CFAP92: variants seen among roughly 807,000 people sequenced by gnomAD.
The protein encoded by CFAP92 is cilia and flagella associated protein 92 (putative).
In CFAP92, 86 loss-of-function variants were observed where a neutral mutation model predicts 106.3. The observed-to-expected ratio is 0.81, with a 90% confidence interval of 0.68 to 0.97. The LOEUF is 0.97. Among genes scored for constraint, CFAP92 ranks in the 50% least tolerant of loss-of-function variants. CFAP92 has a pLI of 0.00. For synonymous variants in CFAP92, 477 were observed against 506.4 expected, an observed-to-expected ratio of 0.94 and a Z score of 0.78; for missense variants, 1,204 against 1,283.8, an observed-to-expected ratio of 0.94 and a Z score of 0.95.
rs200730768 is a variant in CFAP92 at position 128,945,157 on chromosome 3, G to A, written c.2172C>T (p.His724=). 6.5e-4 allele frequency: 1,001 copies of A among 1,536,170 alleles called. 3 individuals are homozygous for A. Among genetic ancestry groups the A allele is most frequent in the South Asian group, 8.2e-4 (69 of 84,066 alleles). Residue 724 remains histidine (H), a synonymous_variant, in exon 10 of 16, where the codon CAC becomes CAT. Transcript: ENST00000645291. ...QQHLDVLTGF[H]LLDGKTHLFI... is the part of the protein sequence containing the mutation. ...AAAGGTGTGTCTTCCCGTCCAGCAG[G>A]TGGAAGCCAGTGAGCACATCCAGGT...
intron 12 of CFAP92, among the ~76,000 whole-genome samples, chr3:128,922,657 T>C (rs1348622781): frequency 2.0e-5 from 3 of 152,220 alleles, no homozygotes; most frequent in Non-Finnish European, 2.9e-5. Flanking sequence ...AAGACTTCCA[T>C]GGGTATCACT....
At chr3:129,024,273 G>A in the CFAP92 span, among the ~76,000 whole-genome samples, 1 of 152,140 alleles carries the variant, frequency 6.6e-6, no homozygotes, top group Admixed American at 6.5e-5. Context: ...GCTCACACCT[G>A]TAATCCCAGC....
At position 128,945,754 on chromosome 3, in the gene CFAP92, G is replaced by A. The variant is rs752356159; in HGVS notation, c.1575C>T (p.Pro525=). The change falls in exon 10 of 16, where the codon CCC becomes CCT. Residue 525 remains proline, a synonymous_variant. Coordinates refer to ENST00000645291, the MANE Select transcript of CFAP92 (RefSeq NM_001394090.1). ...CCAGAGGGTCCTCCCCAAACAGCAC[G>A]GGCTTCTGAGAACACTCCTCTGACT... ...DRKSEECSQK[P]VLFGEDPLDS... The A allele has an allele frequency of 2.7e-5, 41 of 1,535,168 alleles. No homozygotes were observed. The highest frequency in any genetic ancestry group is 1.7e-4 in the Middle Eastern group (1 of 6,006).
At chr3:128,933,265 T>C (rs1391765746) in intron 11 of CFAP92, among the ~76,000 whole-genome samples, 1 of 152,112 alleles carries the variant, frequency 6.6e-6, no homozygotes, top group Non-Finnish European at 1.5e-5. Flanking sequence ...TCCTTAGCCA[T>C]GCTTCCCCTC....
intron 2 of CFAP92, chr3:128,992,012 T>C: frequency 3.4e-6 from 1 of 293,680 alleles, no homozygotes; most frequent in Non-Finnish European, 5.1e-6. Flanking sequence ...CTTGCCCTCC[T>C]GTGTGTCCGT....
chr3:128,915,322 A>G, intron 14 of CFAP92, 35 bp downstream of exon 14: 1 of 1,535,826 alleles, frequency 6.5e-7, no homozygotes, highest in Non-Finnish European at 8.7e-7. Context: ...GTCCCTATGG[A>G]CACCCCACCT....
At chr3:129,021,480 A>T in the CFAP92 span, among the ~76,000 whole-genome samples, 6 of 152,188 alleles carry the variant, frequency 3.9e-5, no homozygotes, top group Non-Finnish European at 8.8e-5. Flanking sequence ...AGGCTCAGGC[A>T]GGAGAATCGC....
chr3:128,923,376 G>C (rs1294964093), intron 12 of CFAP92, among the ~76,000 whole-genome samples: 1 of 152,228 alleles, frequency 6.6e-6, no homozygotes, highest in East Asian at 1.9e-4. Context: ...AACTGCTGCA[G>C]CGCCAGGGTT....
At chr3:129,000,285 GCCTCTAACT>G (rs1206386750) in intron 1 of CFAP92, among the ~76,000 whole-genome samples, 1 of 152,222 alleles carries the variant, frequency 6.6e-6, no homozygotes, top group Non-Finnish European at 1.5e-5. Context: ...TTGGGGAGAA[GCCTCTAACT>G]CCTTCCCAGC....
intron 9 of CFAP92, among the ~76,000 whole-genome samples, chr3:128,963,696 G>A (rs556725677): frequency 3.4e-4 from 51 of 149,626 alleles, no homozygotes; most frequent in South Asian, 2.8e-3. Flanking sequence ...AGGCCTAATC[G>A]CCACACACCA....
At chr3:128,988,996 T>C in intron 2 of CFAP92, 78 bp from the exon 3 acceptor site, 4 of 1,159,222 alleles carry the variant, frequency 3.5e-6, no homozygotes, top group Non-Finnish European at 4.9e-6. Context: ...TCCCTGGAGC[T>C]TGATGTTGTG....
chr3:128,975,509 GGGATGGATGAATGAAT>G (rs1311998862), intron 7 of CFAP92, among the ~76,000 whole-genome samples: 1 of 151,816 alleles, frequency 6.6e-6, no homozygotes, highest in East Asian at 1.9e-4. Flanking sequence ...TGAATGGATG[GGGATGGATGAATGAAT>G]GGATGGATGA....
intron 12 of CFAP92, among the ~76,000 whole-genome samples, chr3:128,917,326 C>T (rs1936901418): frequency 6.6e-6 from 1 of 152,138 alleles, no homozygotes; most frequent in Non-Finnish European, 1.5e-5. Flanking sequence ...CTTCCAAATC[C>T]TAGAATTCGT....
At chr3:129,009,076 C>T in the CFAP92 span, among the ~76,000 whole-genome samples, 2 of 152,284 alleles carry the variant, frequency 1.3e-5, no homozygotes, top group East Asian at 3.9e-4. Flanking sequence ...TTGACATCAC[C>T]ATTCATAAAA....
intron 9 of CFAP92, among the ~76,000 whole-genome samples, chr3:128,953,567 GTCTCCCTCTCCCTCTCCCTCTCCC>G (rs1197869555): frequency 2.5e-5 from 3 of 121,832 alleles, no homozygotes; most frequent in Non-Finnish European, 5.1e-5. Context: ...CAGCAACACG[GTCTCCCTCTCCCTCTCCCTCTCCC>G]TCTCCCTCCC....
chr3:128,978,784 C>T (rs548188569), intron 4 of CFAP92, among the ~76,000 whole-genome samples: 4 of 152,212 alleles, frequency 2.6e-5, no homozygotes, highest in Non-Finnish European at 5.9e-5. Context: ...CCCTTCCTTA[C>T]ACCTTATACA....
In CFAP92 at chr3:128,933,157, C is replaced by T. The variant is rs981083510; in HGVS notation, c.2454-160G>A. On this transcript the variant is annotated intron_variant, in intron 11 of 15. Transcript: ENST00000645291. ...GAGCTCCAATTCCAGTCTGCTGAGC[C>T]TGGGCTCCTGGCAAAAGCCTCCTTC... Among the ~76,000 whole-genome samples the T allele has an allele frequency of 2.6e-5, 4 of 152,376 alleles. No homozygotes were observed. In the East Asian group the frequency reaches 7.7e-4, roughly 29 times the overall value.
At chr3:128,923,133 G>A (rs1370369265) in intron 12 of CFAP92, among the ~76,000 whole-genome samples, 1 of 150,560 alleles carries the variant, frequency 6.6e-6, no homozygotes, top group African/African-American at 2.5e-5. Flanking sequence ...GTGGGGTTGA[G>A]GGTATGCTTG....
chr3:128,935,723 C>T (rs928550716), intron 10 of CFAP92, among the ~76,000 whole-genome samples: 1 of 151,810 alleles, frequency 6.6e-6, no homozygotes, highest in Non-Finnish European at 1.5e-5. Flanking sequence ...AAAACAAAAA[C>T]AAAACAAAAA....
Sources: allele counts gnomAD v4.1 joint callset (sites outside exome capture counted in the v4.1 genomes callset), GRCh38; gene constraint gnomAD v4.1.1; transcripts MANE v1.5; gene names NCBI Gene and HGNC (gene_info 2026-07-23, HGNC 2026-07-21).